CRACR2A: variants seen among roughly 807,000 people sequenced by gnomAD.
The protein encoded by CRACR2A is calcium release activated channel regulator 2A, also known as EF-hand calcium-binding domain-containing protein 4B.
A neutral mutation model predicts 90.5 loss-of-function variants in CRACR2A; 79 were observed. The observed-to-expected ratio is 0.87, with a 90% CI of 0.73 to 1.05. The LOEUF is 1.05. Among genes scored for constraint, CRACR2A ranks in the 50% least tolerant of loss-of-function variants. The probability of loss-of-function intolerance (pLI) is 0.00; values close to 1 mark genes in which losing one functional copy is unlikely to be tolerated. For synonymous variants in CRACR2A, 338 were observed against 356.7 expected, an observed-to-expected ratio of 0.95 and a Z score of 0.59; for missense variants, 823 against 897.2, an observed-to-expected ratio of 0.92 and a Z score of 1.06.
intron 8 of CRACR2A, among the ~76,000 whole-genome samples, chr12:3,659,315 T>G (rs1036040307): frequency 2.0e-5 from 3 of 152,136 alleles, no homozygotes; most frequent in Non-Finnish European, 2.9e-5. Context: ...GATACCTTAG[T>G]TAATAAAAGA....
rs563950130 is a variant in CRACR2A, at chr12:3,633,634, G to A, written c.1705C>T (p.Arg569Trp). The A allele has an allele frequency of 8.4e-6, 13 of 1,551,692 alleles. No individual in the cohort carries two copies. Among genetic ancestry groups the A allele is most frequent in the South Asian group, 5.9e-5 (5 of 84,052 alleles). ...GTGGCCGCCATGCCTGGGGAGAACC[G>A]GTCCTCACAGAATCTCCTCAGGAAG... The part of the protein sequence containing the change: ...TSFLRRFCED[R>W]FSPGMAATVG... The change falls in exon 15 of 20, where the codon CGG (arginine) becomes TGG (tryptophan). Residue 569 changes from arginine to tryptophan, a missense_variant. Arg to Trp is a moderately radical substitution (Grantham distance 101). Transcript: ENST00000440314. This position sits in a 1 kb window ranked among gnomAD's most constrained non-coding sequence, Gnocchi z 4.5.
chr12:3,693,038 G>C (rs544365146), intron 4 of CRACR2A, among the ~76,000 whole-genome samples: 2 of 152,242 alleles, frequency 1.3e-5, no homozygotes, highest in Admixed American at 1.3e-4. Context: ...AGCAGAAGAG[G>C]GAGGCAGAGT....
intron 8 of CRACR2A, 100 bp from the exon 9 acceptor site, chr12:3,656,506 A>C (rs1944911757): frequency 9.9e-7 from 1 of 1,012,664 alleles, no homozygotes; most frequent in Non-Finnish European, 1.5e-6. Flanking sequence ...ATCAGGGCCC[A>C]TCCTATTAGA....
chr12:3,691,625 G>A (rs145471215), intron 4 of CRACR2A, among the ~76,000 whole-genome samples: 137 of 152,222 alleles, frequency 9.0e-4, no homozygotes, highest in Non-Finnish European at 1.1e-3. Flanking sequence ...TTTGAGGATT[G>A]AGGATGATCT....
chr12:3,622,647 T>TGTGC (rs1565460735), intron 17 of CRACR2A, among the ~76,000 whole-genome samples: 1 of 152,036 alleles, frequency 6.6e-6, no homozygotes, highest in Non-Finnish European at 1.5e-5. Context: ...TGTGTGTGTG[T>TGTGC]GCGTGCGTTT....
intron 2 of CRACR2A, chr12:3,731,775 T>C (rs1236152542): frequency 2.0e-5 from 3 of 152,076 alleles, no homozygotes; most frequent in South Asian, 2.1e-4. Context: ...CTTATAAAAA[T>C]GGGAAAATTT....
intron 14 of CRACR2A, among the ~76,000 whole-genome samples, chr12:3,636,967 G>A (rs1156976162): frequency 6.6e-6 from 1 of 152,240 alleles, no homozygotes; most frequent in Non-Finnish European, 1.5e-5. Context: ...CTTTCACACT[G>A]CCGTGGATCG....
At chr12:3,751,635 C>A (rs1039783306) in intron 1 of CRACR2A, among the ~76,000 whole-genome samples, 5 of 152,208 alleles carry the variant, frequency 3.3e-5, no homozygotes, top group Non-Finnish European at 7.3e-5. Flanking sequence ...GATGCCCAGA[C>A]CCAGCCTCCT....
rs1249582299 is a variant in CRACR2A, at chr12:3,679,043, C to T, written c.396G>A (p.Val132=). 1 of 1,613,834 alleles carries T rather than the reference C, an allele frequency of 6.2e-7. No individual in the cohort carries two copies. The highest frequency in any genetic ancestry group is 8.5e-7 in the Non-Finnish European group (1 of 1,179,920). ...ACACCTTCTCTTCATGGCGCTGGGC[C>T]ACCTGTTCACCTGCATCTTCCTGAC... The part of the protein sequence containing the change: ...NPSQEDAGEQ[V]AQRHEEKVYL... The change falls in exon 6 of 20, where the codon GTG becomes GTA. Residue 132 remains valine, a synonymous_variant. Coordinates refer to ENST00000440314, the MANE Select transcript of CRACR2A (RefSeq NM_001144958.2).
chr12:3,744,364 G>A (rs146565224), intron 1 of CRACR2A, among the ~76,000 whole-genome samples: 186 of 152,310 alleles, frequency 1.2e-3, no homozygotes, highest in African/African-American at 4.3e-3. Flanking sequence ...ACCCAGATCC[G>A]TGCAGATGCT....
chr12:3,740,468 A>T (rs1946507616), intron 1 of CRACR2A, among the ~76,000 whole-genome samples: 1 of 152,120 alleles, frequency 6.6e-6, no homozygotes, highest in Admixed American at 6.5e-5. Context: ...TGCAACTTAC[A>T]TGTCCTTGGG....
intron 2 of CRACR2A, among the ~76,000 whole-genome samples, chr12:3,714,203 T>C (rs1432831905): frequency 1.3e-5 from 2 of 152,236 alleles, no homozygotes; most frequent in African/African-American, 4.8e-5. Context: ...TCAATGAATA[T>C]TCACTCTGTG....
At chr12:3,735,867 A>G (rs1946442625) in intron 1 of CRACR2A, among the ~76,000 whole-genome samples, 1 of 152,204 alleles carries the variant, frequency 6.6e-6, no homozygotes, top group Admixed American at 6.5e-5. Context: ...TTTTCACAGC[A>G]GGCCTTCCTT....
chr12:3,666,364 TGCGC>T (rs1555112150), intron 7 of CRACR2A, among the ~76,000 whole-genome samples: 4 of 149,498 alleles, frequency 2.7e-5, no homozygotes, highest in East Asian at 2.0e-4. Flanking sequence ...TGCGTGCGTG[TGCGC>T]GTGCGCGCGC....
At chr12:3,629,312 C>T (rs1944336424) in intron 15 of CRACR2A, among the ~76,000 whole-genome samples, 1 of 152,234 alleles carries the variant, frequency 6.6e-6, no homozygotes, top group Non-Finnish European at 1.5e-5. Flanking sequence ...AGGACACAGG[C>T]AGCTTTGTTT....
intron 15 of CRACR2A, among the ~76,000 whole-genome samples, chr12:3,630,550 T>G (rs1189243117): frequency 6.6e-6 from 1 of 152,182 alleles, no homozygotes; most frequent in East Asian, 1.9e-4. Flanking sequence ...GGCCTGTGAT[T>G]TAACACAGGG....
intron 2 of CRACR2A, among the ~76,000 whole-genome samples, chr12:3,720,464 A>AAAGCAAGCAAGCAAGCAAGCAAGCAAGC (rs1236159224): frequency 2.3e-4 from 34 of 150,906 alleles, no homozygotes; most frequent in Admixed American, 8.5e-4. Context: ...AGAAAGAAAG[A>AAAGCAAGCAAGCAAGCAAGCAAGCAAGC]AAGCAAAAGA....
At chr12:3,628,048 T>C (rs1944301535) in intron 15 of CRACR2A, among the ~76,000 whole-genome samples, 2 of 107,540 alleles carry the variant, frequency 1.9e-5, no homozygotes, top group African/African-American at 3.6e-5. Flanking sequence ...TCTCCTTCCC[T>C]CTCTCTCTCT....
chr12:3,698,657 C>G (rs967309923), intron 3 of CRACR2A, among the ~76,000 whole-genome samples: 1 of 152,238 alleles, frequency 6.6e-6, no homozygotes, highest in African/African-American at 2.4e-5. Flanking sequence ...CTCGTCATCT[C>G]TGTGTGTGAA....
Sources: allele counts gnomAD v4.1 joint callset (sites outside exome capture counted in the v4.1 genomes callset), GRCh38; gene constraint gnomAD v4.1.1; non-coding constraint Gnocchi (gnomAD v3.1); transcripts MANE v1.5; gene names NCBI Gene and HGNC (gene_info 2026-07-23, HGNC 2026-07-21).